PPM1H: variants seen among roughly 807,000 people sequenced by gnomAD.
PPM1H encodes the protein protein phosphatase, Mg2+/Mn2+ dependent 1H.
A neutral mutation model predicts 54.9 loss-of-function variants in PPM1H; 27 were observed. The ratio of observed to expected loss-of-function variants is 0.49; its 90% CI spans 0.36 to 0.68. PPM1H has a LOEUF of 0.68. PPM1H is among the 30% of genes least tolerant of loss of function. The probability of loss-of-function intolerance (pLI) is 0.00; values close to 1 mark genes in which losing one functional copy is unlikely to be tolerated. For missense variants in PPM1H, 596 were observed against 667.8 expected (o/e 0.89, Z 1.19); for synonymous variants, 305 against 270.8 (o/e 1.13, Z -1.24).
At chr12:62,828,504 C>T (rs1285512031) in intron 2 of PPM1H, among the ~76,000 whole-genome samples, 1 of 152,164 alleles carries the variant, frequency 6.6e-6, no homozygotes, top group African/African-American at 2.4e-5. Flanking sequence ...ATTAACTACC[C>T]CGGCACCCTC....
chr12:62,717,524 A>C (rs933514873), intron 6 of PPM1H, among the ~76,000 whole-genome samples: 6 of 152,188 alleles, frequency 3.9e-5, no homozygotes, highest in African/African-American at 1.4e-4. Flanking sequence ...TGCACGCAAG[A>C]GTGAAAGAAA....
chr12:62,933,444 G>T (rs1592677350), intron 1 of PPM1H, among the ~76,000 whole-genome samples: 1 of 152,092 alleles, frequency 6.6e-6, no homozygotes, highest in African/African-American at 2.4e-5. Context: ...ATCAACCAGC[G>T]AGGCCGTGCA....
chr12:62,648,245 C>G lies in PPM1H; in HGVS notation c.*244G>C, dbSNP rs2075797385. 5 of 460,068 alleles carry G rather than the reference C, an allele frequency of 1.1e-5. No individual in the cohort carries two copies. Among genetic ancestry groups the G allele is most frequent in the South Asian group, 9.6e-5 (3 of 31,192 alleles). 28.5% of individuals were successfully genotyped at this position (460,068 alleles called of 1,614,324 possible). A position where few individuals can be genotyped will look rare whatever the true frequency, so the allele number is the denominator to read the frequency against. On this transcript the variant is annotated 3_prime_UTR_variant, in exon 10 of 10. Transcript: ENST00000228705. ...CCACCTCGGAGGCCTATGAAAGGAACTGAAATACAACAACACTTGGTAGCA... is the reference window on the plus strand; with the variant it reads ...CCACCTCGGAGGCCTATGAAAGGAAGTGAAATACAACAACACTTGGTAGCA...
At chr12:62,856,117 C>A (rs761672168) in intron 1 of PPM1H, among the ~76,000 whole-genome samples, 10 of 152,210 alleles carry the variant, frequency 6.6e-5, no homozygotes, top group Admixed American at 2.0e-4. Flanking sequence ...CTGGTTTCCT[C>A]ATGTGAATGT....
At chr12:62,924,828 G>A (rs1871923347) in intron 1 of PPM1H, among the ~76,000 whole-genome samples, 1 of 152,030 alleles carries the variant, frequency 6.6e-6, no homozygotes, top group African/African-American at 2.4e-5. Flanking sequence ...GATCACTTGA[G>A]CCCAGGAGTT....
intron 4 of PPM1H, among the ~76,000 whole-genome samples, chr12:62,769,386 C>T (rs143241186): frequency 2.6e-4 from 39 of 152,292 alleles, no homozygotes; most frequent in African/African-American, 9.4e-4. Flanking sequence ...AGGTGGCCTG[C>T]GTGTGAGCAA....
chr12:62,651,734 A>G (rs2075817824), intron 9 of PPM1H, among the ~76,000 whole-genome samples: 1 of 151,662 alleles, frequency 6.6e-6, no homozygotes, highest in South Asian at 2.1e-4. Flanking sequence ...ATTACTTCCC[A>G]TTTTCTTCCT....
At chr12:62,818,346 A>G (rs1449493078) in intron 2 of PPM1H, among the ~76,000 whole-genome samples, 1 of 152,214 alleles carries the variant, frequency 6.6e-6, no homozygotes, top group Non-Finnish European at 1.5e-5. Flanking sequence ...TATGGCAATC[A>G]GTATGATAAA....
intron 1 of PPM1H, among the ~76,000 whole-genome samples, chr12:62,861,984 C>G (rs145186535): frequency 6.6e-6 from 1 of 152,178 alleles, no homozygotes; most frequent in Non-Finnish European, 1.5e-5. Flanking sequence ...CTGGCCCAAA[C>G]CAAATAATGC....
At chr12:62,793,166 T>C (rs774420430) in intron 3 of PPM1H, among the ~76,000 whole-genome samples, 28 of 152,148 alleles carry the variant, frequency 1.8e-4, no homozygotes, top group Non-Finnish European at 2.9e-4. Flanking sequence ...CACATGCATA[T>C]ACTATCATTC....
rs7309384 is a variant in PPM1H, at chr12:62,844,673, T to G, written c.246-12394A>C. ...CAAGGGTAGATGTGTTCCAAAATGT[T>G]GTGTGTTTATTTCAGTTGTGTTCTC... On this transcript the variant is annotated intron_variant, in intron 1 of 9. Coordinates refer to ENST00000228705, the MANE Select transcript of PPM1H (RefSeq NM_020700.2). This position sits in a 1 kb window ranked among gnomAD's most constrained non-coding sequence, Gnocchi z 5.2. Among the ~76,000 whole-genome samples the G allele has an allele frequency of 0.07, 10,629 of 152,294 alleles. 613 individuals carry two copies. Among genetic ancestry groups the G allele is most frequent in the Non-Finnish European group, 0.1 (6,810 of 68,008 alleles).
At chr12:62,717,904 A>G (rs948072009) in intron 6 of PPM1H, among the ~76,000 whole-genome samples, 7 of 152,222 alleles carry the variant, frequency 4.6e-5, no homozygotes, top group Non-Finnish European at 1.0e-4. Context: ...AATACTAAGC[A>G]TCTGCAACAA....
chr12:62,779,739 C>T (rs777591718), intron 4 of PPM1H, among the ~76,000 whole-genome samples: 1 of 152,240 alleles, frequency 6.6e-6, no homozygotes, highest in Non-Finnish European at 1.5e-5. Flanking sequence ...TGCTCTTAAC[C>T]ACCATCCTGC....
chr12:62,822,207 T>C (rs577599982), intron 2 of PPM1H, among the ~76,000 whole-genome samples: 1 of 152,346 alleles, frequency 6.6e-6, no homozygotes, highest in African/African-American at 2.4e-5. Flanking sequence ...AAGAGCTAAC[T>C]GTCCTAAATA....
chr12:62,790,504 C>T (rs1014079002), intron 3 of PPM1H, among the ~76,000 whole-genome samples: 2 of 152,046 alleles, frequency 1.3e-5, no homozygotes, highest in African/African-American at 4.8e-5. Flanking sequence ...CCCAGGAGTT[C>T]GAGGCTGCAG....
At position 62,783,954 on chromosome 12, in the gene PPM1H, G is replaced by A. The variant is rs546913975; in HGVS notation, c.869+4272C>T. On this transcript the variant is annotated intron_variant, in intron 4 of 9. Coordinates refer to ENST00000228705, the MANE Select transcript of PPM1H (RefSeq NM_020700.2). ...CTGAAGAATCAGTCAGAGCCCTAAG[G>A]AGCTGATGACTCAAACACAATGGGT... Among the ~76,000 whole-genome samples the A allele has an allele frequency of 2.0e-3, 311 of 152,282 alleles. 2 individuals are homozygous for A. Among genetic ancestry groups the A allele is most frequent in the Admixed American group, 3.6e-3 (55 of 15,294 alleles).
intron 4 of PPM1H, among the ~76,000 whole-genome samples, chr12:62,753,045 T>TA (rs2076450674): frequency 6.6e-6 from 1 of 152,142 alleles, no homozygotes. Context: ...AGGTCAGGGC[T>TA]AAAAAAGATT....
At chr12:62,770,495 C>T (rs946821982) in intron 4 of PPM1H, among the ~76,000 whole-genome samples, 2 of 152,098 alleles carry the variant, frequency 1.3e-5, no homozygotes, top group African/African-American at 4.8e-5. Context: ...ACATACTGGG[C>T]CTCTGTTGTA....
intron 9 of PPM1H, among the ~76,000 whole-genome samples, chr12:62,660,428 G>A (rs1450050663): frequency 6.6e-6 from 1 of 152,120 alleles, no homozygotes; most frequent in Non-Finnish European, 1.5e-5. Flanking sequence ...CACACTTCCT[G>A]ACTTTAAAAT....
Sources: gnomAD v4.1 joint callset for allele counts (sites outside exome capture counted in the v4.1 genomes callset) on GRCh38, gnomAD v4.1.1 for gene constraint, Gnocchi (gnomAD v3.1) non-coding constraint, MANE v1.5 for transcripts, NCBI Gene and HGNC (gene_info 2026-07-23, HGNC 2026-07-21) for gene names.